The following UBL3 variants were observed in gnomAD, a reference collection of about 807,000 sequenced individuals.
UBL3 encodes the protein ubiquitin like 3, also known as ubiquitin-like protein 3.
A neutral mutation model predicts 18.4 loss-of-function variants in UBL3; 6 were observed. The observed-to-expected ratio is 0.33, with a 90% CI of 0.18 to 0.64. The LOEUF is 0.64. Ranked by LOEUF, UBL3 falls within the 30% of genes least tolerant of loss-of-function variation. The pLI, the probability that UBL3 is intolerant of heterozygous loss-of-function variation, is 0.76. For synonymous variants in UBL3, 49 were observed against 46.6 expected, an observed-to-expected ratio of 1.05 and a Z score of -0.21; for missense variants, 109 against 142.9, an observed-to-expected ratio of 0.76 and a Z score of 1.21.
intron 1 of UBL3, among the ~76,000 whole-genome samples, chr13:29,815,301 T>G (rs573779718): frequency 1.3e-5 from 2 of 152,074 alleles, no homozygotes; most frequent in Admixed American, 6.6e-5. Flanking sequence ...AATGGGTGTG[T>G]GGGGGGGAGA....
chr13:29,810,338 A>G (rs892967551), intron 1 of UBL3, among the ~76,000 whole-genome samples: 3 of 152,086 alleles, frequency 2.0e-5, no homozygotes, highest in Non-Finnish European at 4.4e-5. Flanking sequence ...AACTGATCCA[A>G]TTCTAGAAAA....
chr13:29,788,320 T>C (rs1406920533), intron 1 of UBL3, among the ~76,000 whole-genome samples: 3 of 152,222 alleles, frequency 2.0e-5, no homozygotes, highest in African/African-American at 7.2e-5. Flanking sequence ...TATTATCAAA[T>C]TCTCAGTACT....
intron 2 of UBL3, among the ~76,000 whole-genome samples, chr13:29,776,233 GTTTTTTTTTCTTTTTTTTCTTTTCTTTCT>G (rs1443876844): frequency 2.0e-4 from 27 of 131,810 alleles, no homozygotes; most frequent in Non-Finnish European, 8.3e-5. Context: ...ACTATTTTGT[GTTTTTTTTTCTTTTTTTTCTTTTCTTTCT>G]TTTTTTTTTT....
intron 1 of UBL3, among the ~76,000 whole-genome samples, chr13:29,794,371 C>T (rs1469488271): frequency 2.6e-5 from 4 of 151,758 alleles, no homozygotes; most frequent in African/African-American, 7.3e-5. Context: ...CACACACACA[C>T]GCACCCCTAC....
chr13:29,777,109 C>A, intron 2 of UBL3, 46 bp downstream of exon 2: 1 of 891,330 alleles, frequency 1.1e-6, no homozygotes, highest in Non-Finnish European at 1.6e-6. Flanking sequence ...CAAGGTAGGG[C>A]ATAAGAATCA....
In UBL3 at chr13:29,818,538, TTC is replaced by T. The variant is rs1173937120; in HGVS notation, c.27+30972_27+30973del. Among the ~76,000 whole-genome samples, 5 of 152,330 alleles carry T rather than the reference TTC, an allele frequency of 3.3e-5. No homozygotes were observed. The South Asian group carries it at 8.3e-4, about 25-fold the overall frequency. On this transcript the variant is annotated intron_variant, in intron 1 of 4. Transcript: ENST00000380680. ...GGCCAATCAATCACCTGACAAATTT[TTC>T]TCTGTTTAAGAACTATTTTTAAATG...
At chr13:29,811,332 A>G (rs1325536369) in intron 1 of UBL3, among the ~76,000 whole-genome samples, 1 of 152,114 alleles carries the variant, frequency 6.6e-6, no homozygotes, top group East Asian at 1.9e-4. Context: ...ACTCAATATT[A>G]ATTGATACAT....
At chr13:29,819,718 T>TA (rs1484096859) in intron 1 of UBL3, among the ~76,000 whole-genome samples, 3 of 152,148 alleles carry the variant, frequency 2.0e-5, no homozygotes, top group African/African-American at 7.2e-5. Context: ...AGGTAAAAGT[T>TA]AGAAGAGAAC....
intron 3 of UBL3, among the ~76,000 whole-genome samples, chr13:29,768,572 C>T (rs1165112204): frequency 6.6e-6 from 1 of 151,974 alleles, no homozygotes; most frequent in Non-Finnish European, 1.5e-5. Flanking sequence ...CTTTTTAAAA[C>T]CTGCTCTATA....
At chr13:29,825,730 A>G (rs1878599345) in intron 1 of UBL3, among the ~76,000 whole-genome samples, 1 of 152,184 alleles carries the variant, frequency 6.6e-6, no homozygotes. Flanking sequence ...TTCCAACACT[A>G]TGTTGAATAG....
intron 1 of UBL3, among the ~76,000 whole-genome samples, chr13:29,815,595 G>A (rs978186780): frequency 1.3e-5 from 2 of 152,180 alleles, no homozygotes; most frequent in East Asian, 1.9e-4. Context: ...TCCCAAATAT[G>A]TACTGTCTTT....
chr13:29,807,235 T>C (rs936610510), intron 1 of UBL3, among the ~76,000 whole-genome samples: 38 of 152,202 alleles, frequency 2.5e-4, no homozygotes, highest in Non-Finnish European at 1.0e-4. Context: ...TGCTACTTCT[T>C]GTATGGGAAA....
At position 29,826,589 on chromosome 13, in the gene UBL3, A is replaced by C. The variant is rs555023343; in HGVS notation, c.27+22923T>G. Among the ~76,000 whole-genome samples the C allele has an allele frequency of 4.6e-5, 7 of 151,528 alleles. No homozygotes were observed. The East Asian group carries it at 9.7e-4, about 21-fold the overall frequency. ...TGCTTCTATTTGATTCTTCTTTATT[A>C]GTCTTGCTAGCAATCTCTCAATTTT... is the stretch of plus-strand genomic sequence containing the variant. On this transcript the variant is annotated intron_variant, in intron 1 of 4. Transcript: ENST00000380680.
intron 1 of UBL3, among the ~76,000 whole-genome samples, chr13:29,796,740 C>T (rs539099079): frequency 6.6e-6 from 1 of 152,238 alleles, no homozygotes; most frequent in Non-Finnish European, 1.5e-5. Context: ...TAATCAAAAA[C>T]GCTGACAATC....
intron 1 of UBL3, among the ~76,000 whole-genome samples, chr13:29,802,052 C>T (rs1389311678): frequency 6.6e-6 from 1 of 152,200 alleles, no homozygotes; most frequent in African/African-American, 2.4e-5. Context: ...GGAGCCCACA[C>T]TTTCAGAGCA....
intron 1 of UBL3, among the ~76,000 whole-genome samples, chr13:29,798,911 C>T (rs529085767): frequency 2.7e-4 from 41 of 152,130 alleles, no homozygotes; most frequent in African/African-American, 8.9e-4. Flanking sequence ...ATTGTGCTAA[C>T]GATATTTATA....
intron 2 of UBL3, among the ~76,000 whole-genome samples, chr13:29,775,299 G>A (rs1337022202): frequency 1.3e-5 from 2 of 152,108 alleles, no homozygotes; most frequent in Non-Finnish European, 2.9e-5. Flanking sequence ...CTGGGTTTAA[G>A]TTTCTACATT....
intron 1 of UBL3, among the ~76,000 whole-genome samples, chr13:29,828,352 G>A (rs138735476): frequency 0.015 from 2,261 of 152,164 alleles, 54 homozygotes; most frequent in African/African-American, 0.05. Flanking sequence ...ACATAGTCCC[G>A]TATTTCTTGG....
rs541839948 is a variant in UBL3 at position 29,840,541 on chromosome 13, A to C, written c.27+8971T>G. 1.1e-4 allele frequency among the ~76,000 whole-genome samples: 9 copies of C among 81,884 alleles called. No individual in the cohort carries two copies. The East Asian group carries it at 3.4e-3, about 31-fold the overall frequency. 53.7% of individuals were successfully genotyped at this position (81,884 alleles called of 152,430 possible). On this transcript the variant is annotated intron_variant, in intron 1 of 4. Coordinates refer to ENST00000380680, the MANE Select transcript of UBL3 (RefSeq NM_007106.4). Reference sequence around the variant, plus strand: ...TACAAGAAATTAAAATTGCTAGCCAATTGTTTTCATGAACAAAAAAAAACT... The same window carrying C: ...TACAAGAAATTAAAATTGCTAGCCACTTGTTTTCATGAACAAAAAAAAACT...
Sources: gnomAD v4.1 joint callset for allele counts (sites outside exome capture counted in the v4.1 genomes callset) on GRCh38, gnomAD v4.1.1 for gene constraint, MANE v1.5 for transcripts, NCBI Gene and HGNC (gene_info 2026-07-23, HGNC 2026-07-21) for gene names.